NAALADL2: variants seen among roughly 807,000 people sequenced by gnomAD.
NAALADL2 encodes N-acetylated alpha-linked acidic dipeptidase like 2.
A neutral mutation model predicts 87.2 loss-of-function variants in NAALADL2; 76 were observed. The observed-to-expected ratio is 0.87, with a 90% CI of 0.72 to 1.05. The LOEUF (loss-of-function observed/expected upper bound fraction) is 1.05, where lower values mean the gene tolerates loss of function less well. Among genes scored for constraint, NAALADL2 ranks in the 50% least tolerant of loss-of-function variants. NAALADL2 has a pLI of 0.00. For synonymous variants in NAALADL2, 354 were observed against 331.0 expected, an observed-to-expected ratio of 1.07 and a Z score of -0.75; for missense variants, 1,089 against 945.8, an observed-to-expected ratio of 1.15 and a Z score of -1.99.
chr3:175,192,246 G>A (rs947996433), intron 2 of NAALADL2, among the ~76,000 whole-genome samples: 2 of 151,996 alleles, frequency 1.3e-5, no homozygotes, highest in Admixed American at 1.3e-4. Flanking sequence ...TATAAATAAA[G>A]TAAAGCTAGT....
intron 2 of NAALADL2, among the ~76,000 whole-genome samples, chr3:175,103,068 A>G (rs1267160489): frequency 6.7e-6 from 1 of 149,234 alleles, no homozygotes; most frequent in African/African-American, 2.5e-5. Context: ...GAGATCCACC[A>G]CTGCATTCCA....
At chr3:174,790,661 A>G (rs1717352607) in intron 3 of NAALADL2, among the ~76,000 whole-genome samples, 1 of 146,002 alleles carries the variant, frequency 6.8e-6, no homozygotes, top group Non-Finnish European at 1.5e-5. Flanking sequence ...AAAAAAAAAA[A>G]TGTGCGTAAG....
In NAALADL2 at chr3:174,521,985, G is replaced by T. The variant is rs533879881; in HGVS notation, c.-183-28584G>T. ...GTGGTGGCATGCACCTGTCATCCCA[G>T]CTACTTGGGAGGCTGAAGCAGGAGG... On this transcript the variant is annotated intron_variant, in intron 1 of 3. Coordinates refer to the NAALADL2 transcript ENST00000434257. Among the ~76,000 whole-genome samples the T allele has an allele frequency of 2.0e-5, 3 of 152,178 alleles. No individual in the cohort carries two copies. The East Asian group carries it at 5.8e-4, about 29-fold the overall frequency.
chr3:175,392,204 A>G (rs1052142769), intron 5 of NAALADL2, among the ~76,000 whole-genome samples: 1 of 152,226 alleles, frequency 6.6e-6, no homozygotes, highest in African/African-American at 2.4e-5. Context: ...CTAATCATTT[A>G]TAACACTGAA....
Position 174,750,782 on chromosome 3 carries a change from A to G in NAALADL2, c.-9+13036A>G, listed in dbSNP as rs1037264560. ...ATAAAGCATTGGAAAGTATCCACTC[A>G]TTGCTCTCTTAGCAGCTTTCTCAAT... On this transcript the variant is annotated intron_variant, in intron 3 of 3. Transcript: ENST00000434257. Among the ~76,000 whole-genome samples, 52 of 152,160 alleles carry G rather than the reference A, an allele frequency of 3.4e-4. 1 individual carries two copies. The highest frequency in any genetic ancestry group is 4.2e-4 in the South Asian group (2 of 4,818).
intron 2 of NAALADL2, among the ~76,000 whole-genome samples, chr3:174,684,704 G>A (rs1727866170): frequency 6.6e-6 from 1 of 152,090 alleles, no homozygotes; most frequent in African/African-American, 2.4e-5. Context: ...ACATAGGACA[G>A]GCAGTTTTTG....
At chr3:175,781,942 G>C (rs1294826152) in intron 13 of NAALADL2, among the ~76,000 whole-genome samples, 1 of 149,286 alleles carries the variant, frequency 6.7e-6, no homozygotes, top group Non-Finnish European at 1.5e-5. Context: ...ACCTATGAGT[G>C]AGAATATGCA....
At chr3:174,885,823 C>T (rs1333040447) in intron 1 of NAALADL2, among the ~76,000 whole-genome samples, 2 of 124,862 alleles carry the variant, frequency 1.6e-5, no homozygotes, top group South Asian at 5.8e-4. Flanking sequence ...CACACAATCA[C>T]AAGTTCCCAC....
intron 1 of NAALADL2, among the ~76,000 whole-genome samples, chr3:175,074,724 T>A (rs554647992): frequency 6.6e-6 from 1 of 152,040 alleles, no homozygotes; most frequent in African/African-American, 2.4e-5. Context: ...TGGCTGAGGG[T>A]TTTTGTTATT....
chr3:175,684,154 T>TAA (rs566709588), intron 11 of NAALADL2, among the ~76,000 whole-genome samples: 1 of 143,422 alleles, frequency 7.0e-6, no homozygotes, highest in African/African-American at 2.5e-5. Context: ...GCAATCACTT[T>TAA]AAAAAAAAAA....
chr3:174,966,358 T>C (rs1742870520), intron 1 of NAALADL2, among the ~76,000 whole-genome samples: 1 of 152,194 alleles, frequency 6.6e-6, no homozygotes, highest in African/African-American at 2.4e-5. Flanking sequence ...TTTTGTATTT[T>C]GAAATGGTTA....
intron 1 of NAALADL2, among the ~76,000 whole-genome samples, chr3:174,520,737 C>T (rs990059310): frequency 2.6e-5 from 4 of 152,042 alleles, no homozygotes; most frequent in Admixed American, 2.6e-4. Context: ...TGCTTCTGCA[C>T]GACAAACGAA....
intron 6 of NAALADL2, chr3:175,460,026 T>C (rs962307786): frequency 2.9e-5 from 10 of 346,530 alleles, no homozygotes; most frequent in African/African-American, 2.2e-4. Flanking sequence ...TATGTTGTTT[T>C]CTGTTATTGC....
At chr3:175,199,880 T>C in intron 2 of NAALADL2, among the ~76,000 whole-genome samples, 2 of 98,276 alleles carry the variant, frequency 2.0e-5, no homozygotes, top group African/African-American at 3.7e-5. Context: ...TTTTTTTTTT[T>C]TTTTTTTTTT....
chr3:175,244,811 T>A (rs12497604), intron 3 of NAALADL2, among the ~76,000 whole-genome samples: 117,661 of 152,006 alleles, frequency 0.77, 45,713 homozygotes, highest in East Asian at 0.88. Context: ...TAAAGTAATT[T>A]CTCATCACCC....
chr3:175,777,295 C>A (rs1229876215), intron 13 of NAALADL2, among the ~76,000 whole-genome samples: 2 of 151,820 alleles, frequency 1.3e-5, no homozygotes, highest in East Asian at 1.9e-4. Flanking sequence ...TTTTCTAAAT[C>A]CTGACTCTAC....
chr3:174,488,309 G>C (rs1418046448), intron 1 of NAALADL2, among the ~76,000 whole-genome samples: 2 of 151,882 alleles, frequency 1.3e-5, no homozygotes. Flanking sequence ...TTAACTGCTT[G>C]GATAAGATAT....
In NAALADL2 at chr3:175,197,777, G is replaced by A. The variant is rs770633062; in HGVS notation, c.546-36154G>A. On this transcript the variant is annotated intron_variant, in intron 2 of 13. Transcript: ENST00000454872. ...ATGAATTCAGGGAGTTTACATGGGAGGTGTCAGGAAGCTCTTATAGAGAAG... is the reference window on the plus strand; with the variant it reads ...ATGAATTCAGGGAGTTTACATGGGAAGTGTCAGGAAGCTCTTATAGAGAAG... Among the ~76,000 whole-genome samples, 38 of 151,950 alleles carry A rather than the reference G, an allele frequency of 2.5e-4. 1 individual carries two copies. Among genetic ancestry groups the A allele is most frequent in the Non-Finnish European group, 4.7e-4 (32 of 67,960 alleles).
chr3:175,253,620 A>T (rs970667915), intron 3 of NAALADL2, among the ~76,000 whole-genome samples: 1 of 152,208 alleles, frequency 6.6e-6, no homozygotes, highest in African/African-American at 2.4e-5. Context: ...GCTTCCCCAG[A>T]TAGTGATTCC....
Sources: gnomAD v4.1 joint callset for allele counts (sites outside exome capture counted in the v4.1 genomes callset) on GRCh38, gnomAD v4.1.1 for gene constraint, MANE v1.5 for transcripts, NCBI Gene and HGNC (gene_info 2026-07-23, HGNC 2026-07-21) for gene names.